Variants in NMNAT2 observed in about 807,000 individuals in gnomAD.
NMNAT2 encodes the protein nicotinamide/nicotinic acid mononucleotide adenylyltransferase 2.
Under a neutral mutation model 41.6 loss-of-function variants are expected in NMNAT2, and 11 were observed. That is an observed-to-expected ratio of 0.26 (90% confidence interval 0.17 to 0.44). NMNAT2 has a LOEUF of 0.44. Among genes scored for constraint, NMNAT2 ranks in the 20% least tolerant of loss-of-function variants. The pLI is 1.00. For missense variants in NMNAT2, 288 were observed against 407.7 expected (o/e 0.71, Z 2.53); for synonymous variants, 148 against 151.2 (o/e 0.98, Z 0.16).
chr1:183,308,675 G>GA (rs1410756664), intron 1 of NMNAT2, among the ~76,000 whole-genome samples: 8 of 151,844 alleles, frequency 5.3e-5, no homozygotes, highest in African/African-American at 7.3e-5. Flanking sequence ...CAGTAGGTGG[G>GA]AAAAAAAATC....
intron 1 of NMNAT2, among the ~76,000 whole-genome samples, chr1:183,306,753 C>A (rs1467389240): frequency 2.6e-5 from 4 of 152,152 alleles, no homozygotes; most frequent in African/African-American, 9.7e-5. Flanking sequence ...AAAATACTAA[C>A]CTCCCCCTAG....
intron 3 of NMNAT2, chr1:183,290,585 G>A (rs1661515741): frequency 5.3e-6 from 1 of 190,358 alleles, no homozygotes; most frequent in Non-Finnish European, 1.1e-5. Flanking sequence ...GGCTCGGTAA[G>A]TTTTATGTGT....
At chr1:183,296,058 C>A (rs543597755) in intron 1 of NMNAT2, among the ~76,000 whole-genome samples, 1 of 152,254 alleles carries the variant, frequency 6.6e-6, no homozygotes, top group South Asian at 2.1e-4. Context: ...CTATGTTAGC[C>A]AAACTGGTCT....
intron 1 of NMNAT2, among the ~76,000 whole-genome samples, chr1:183,309,809 C>A (rs1557874299): frequency 6.6e-6 from 1 of 152,244 alleles, no homozygotes; most frequent in Non-Finnish European, 1.5e-5. Context: ...TAAGGTCCCA[C>A]AGCCTCATGC....
At chr1:183,342,747 T>C (rs1662844838) in intron 1 of NMNAT2, among the ~76,000 whole-genome samples, 2 of 152,096 alleles carry the variant, frequency 1.3e-5, no homozygotes, top group African/African-American at 4.8e-5. Flanking sequence ...ATTTAATTTT[T>C]TTTTGAGACA....
chr1:183,311,444 T>C (rs1662116337), intron 1 of NMNAT2, among the ~76,000 whole-genome samples: 1 of 152,140 alleles, frequency 6.6e-6, no homozygotes. Context: ...TAGGTAATAA[T>C]TAGGTAAAGC....
At chr1:183,410,523 G>A (rs1649087266) in intron 1 of NMNAT2, among the ~76,000 whole-genome samples, 1 of 151,906 alleles carries the variant, frequency 6.6e-6, no homozygotes, top group African/African-American at 2.4e-5. Context: ...GTACTCCTTT[G>A]CCCATCACCT....
chr1:183,393,019 G>A (rs1648526287), intron 1 of NMNAT2, among the ~76,000 whole-genome samples: 1 of 152,010 alleles, frequency 6.6e-6, no homozygotes, highest in African/African-American at 2.4e-5. Context: ...TTTGTTCTCT[G>A]TGACTGTCTT....
intron 1 of NMNAT2, among the ~76,000 whole-genome samples, chr1:183,371,426 G>GA (rs1663538425): frequency 6.6e-6 from 1 of 152,142 alleles, no homozygotes; most frequent in Non-Finnish European, 1.5e-5. Flanking sequence ...AAAACCATAG[G>GA]ATGCACAACA....
chr1:183,347,713 T>C (rs1038148744), intron 1 of NMNAT2, among the ~76,000 whole-genome samples: 5 of 152,188 alleles, frequency 3.3e-5, no homozygotes, highest in African/African-American at 9.7e-5. Context: ...TTTTTTGAAA[T>C]GCAGTAACAG....
chr1:183,414,937 T>TA (rs1272515236), intron 1 of NMNAT2, among the ~76,000 whole-genome samples: 10 of 151,662 alleles, frequency 6.6e-5, no homozygotes, highest in East Asian at 5.8e-4. Flanking sequence ...GTCTGTTTTT[T>TA]AAAAAAAAAT....
intron 1 of NMNAT2, among the ~76,000 whole-genome samples, chr1:183,327,913 A>C (rs926276291): frequency 6.6e-6 from 1 of 151,166 alleles, no homozygotes; most frequent in Admixed American, 6.6e-5. Flanking sequence ...GTTTCAGAGG[A>C]GCTGGCACTG....
intron 6 of NMNAT2, among the ~76,000 whole-genome samples, 191 bp from the exon 7 acceptor site, chr1:183,284,230 C>T (rs529409837): frequency 4.6e-5 from 7 of 152,288 alleles, no homozygotes; most frequent in Non-Finnish European, 8.8e-5. Context: ...GCTTTCCTCC[C>T]GCTCCAGGAG....
intron 1 of NMNAT2, among the ~76,000 whole-genome samples, chr1:183,354,636 C>T (rs565517195): frequency 2.6e-5 from 4 of 152,070 alleles, no homozygotes; most frequent in East Asian, 1.9e-4. Flanking sequence ...AGGCTGGTCT[C>T]GAACTCCTGG....
chr1:183,284,707 C>T lies in NMNAT2; in HGVS notation c.529+3G>A. ...CTGGGAATCAAGTTCCTTGGTTCCT[C>T]ACCTACAAAGGTGAAACGCTCCACC... On this transcript the variant is annotated splice_donor_region_variant and intron_variant, in intron 6 of 10. Coordinates refer to ENST00000287713, the MANE Select transcript of NMNAT2 (RefSeq NM_015039.4). The T allele has an allele frequency of 3.1e-6, 5 of 1,613,240 alleles. No homozygotes were observed. The highest frequency in any genetic ancestry group is 4.2e-6 in the Non-Finnish European group (5 of 1,179,140).
intron 1 of NMNAT2, among the ~76,000 whole-genome samples, chr1:183,298,114 T>C (rs6669787): frequency 0.3 from 46,228 of 152,160 alleles, 8,062 homozygotes; most frequent in Middle Eastern, 0.4. Context: ...TGGTGAAAGA[T>C]TGAATGCTTT....
rs766561849 is a variant in NMNAT2, at chr1:183,284,772, A to T, written c.467T>A (p.Val156Glu). 1 of 1,612,932 alleles carries T rather than the reference A, an allele frequency of 6.2e-7. No homozygotes were observed. ...KPTAAKILGK[V>E]GESLSRICCV... ...GCAGATCCGGCTGAGGCTTTCTCCC[A>T]CCTTCCCCAAGATCTTGGCTATGGG... The change falls in exon 6 of 11, where the codon GTG becomes GAG. Residue 156 changes from valine (V) to glutamate (E), a missense_variant. Transcript: ENST00000287713.
intron 1 of NMNAT2, among the ~76,000 whole-genome samples, chr1:183,315,742 C>G (rs1662233295): frequency 6.8e-6 from 1 of 147,842 alleles, no homozygotes; most frequent in Non-Finnish European, 1.5e-5. Context: ...GGTCATGCCA[C>G]TGCACTCCAG....
intron 1 of NMNAT2, among the ~76,000 whole-genome samples, chr1:183,303,168 A>T (rs1290489876): frequency 6.6e-6 from 1 of 152,138 alleles, no homozygotes; most frequent in Non-Finnish European, 1.5e-5. Context: ...TATCATTTTC[A>T]TCCACTGTCA....
Sources: allele counts gnomAD v4.1 joint callset (sites outside exome capture counted in the v4.1 genomes callset), GRCh38; gene constraint gnomAD v4.1.1; transcripts MANE v1.5; gene names NCBI Gene and HGNC (gene_info 2026-07-23, HGNC 2026-07-21).